Variants in COG5 observed in about 807,000 individuals in gnomAD.
COG5 encodes component of oligomeric golgi complex 5.
In COG5, 86 loss-of-function variants were observed where a neutral mutation model predicts 110.4. The observed-to-expected ratio is 0.78, with a 90% confidence interval of 0.65 to 0.93. The LOEUF (loss-of-function observed/expected upper bound fraction) is 0.93, where lower values mean the gene tolerates loss of function less well. Ranked by LOEUF, COG5 falls within the 40% of genes least tolerant of loss-of-function variation. The pLI, the probability that COG5 is intolerant of heterozygous loss-of-function variation, is 0.00. For synonymous variants in COG5, 360 were observed against 334.6 expected, an observed-to-expected ratio of 1.08 and a Z score of -0.83; for missense variants, 1,077 against 987.0, an observed-to-expected ratio of 1.09 and a Z score of -1.22.
intron 6 of COG5, among the ~76,000 whole-genome samples, chr7:107,521,121 T>C (rs1255414170): frequency 6.6e-6 from 1 of 152,200 alleles, no homozygotes; most frequent in Non-Finnish European, 1.5e-5. Context: ...ACTCCTTCCT[T>C]ATACCTTATT....
In COG5 at chr7:107,541,536, A is replaced by ATATATATG. The variant is rs1802032101; in HGVS notation, c.417+6567_417+6574dup. On this transcript the variant is annotated intron_variant, in intron 5 of 21. Coordinates refer to ENST00000297135, the MANE Select transcript of COG5 (RefSeq NM_006348.5). ...AAAAAAAAAAAAAATATATATATATATATATATGTATTTATGCGTGTGTGT... is the reference window on the plus strand; with the variant it reads ...AAAAAAAAAAAAAATATATATATATATATATATGTATATATGTATTTATGCGTGTGTGT... Among the ~76,000 whole-genome samples, 3 of 136,896 alleles carry ATATATATG rather than the reference A, an allele frequency of 2.2e-5. No individual in the cohort carries two copies. The South Asian group carries it at 6.7e-4, about 31-fold the overall frequency. 89.8% of individuals were successfully genotyped at this position (136,896 alleles called of 152,430 possible). A position where few individuals can be genotyped will look rare whatever the true frequency, so the allele number is the denominator to read the frequency against.
intron 12 of COG5, among the ~76,000 whole-genome samples, chr7:107,292,322 C>G (rs908828049): frequency 2.6e-5 from 4 of 152,262 alleles, no homozygotes; most frequent in African/African-American, 9.6e-5. Flanking sequence ...ATGTCTGACC[C>G]AGGACCTGTT....
chr7:107,233,301 T>C (rs562777854), intron 18 of COG5, among the ~76,000 whole-genome samples: 12 of 152,262 alleles, frequency 7.9e-5, no homozygotes, highest in Admixed American at 7.8e-4. Flanking sequence ...GGCTTAGTGA[T>C]TTCAGAACTG....
chr7:107,536,360 T>C (rs1407634852), intron 5 of COG5, among the ~76,000 whole-genome samples: 2 of 152,210 alleles, frequency 1.3e-5, no homozygotes, highest in Non-Finnish European at 1.5e-5. Flanking sequence ...TGATTGTATA[T>C]ATAGAAAACT....
At chr7:107,349,854 A>G (rs954045692) in intron 10 of COG5, among the ~76,000 whole-genome samples, 4 of 151,944 alleles carry the variant, frequency 2.6e-5, no homozygotes, top group African/African-American at 9.7e-5. Flanking sequence ...CACAGCGCCC[A>G]GTCTTTTTTG....
intron 6 of COG5, among the ~76,000 whole-genome samples, chr7:107,487,517 A>G (rs1159004600): frequency 6.6e-6 from 1 of 152,088 alleles, no homozygotes; most frequent in East Asian, 1.9e-4. Context: ...TAATTTTTAA[A>G]TGCTTATGAC....
At chr7:107,418,083 A>G (rs1057016519) in intron 6 of COG5, among the ~76,000 whole-genome samples, 11 of 152,274 alleles carry the variant, frequency 7.2e-5, no homozygotes, top group Admixed American at 2.0e-4. Flanking sequence ...AATCTTTTAC[A>G]AAAGCAAATA....
At chr7:107,421,062 T>C (rs1308880331) in intron 6 of COG5, among the ~76,000 whole-genome samples, 1 of 152,222 alleles carries the variant, frequency 6.6e-6, no homozygotes, top group Non-Finnish European at 1.5e-5. Flanking sequence ...AAAAAATTGC[T>C]CAGAGCCAAT....
intron 10 of COG5, among the ~76,000 whole-genome samples, chr7:107,355,063 A>C (rs183244138): frequency 6.6e-6 from 1 of 152,368 alleles, no homozygotes; most frequent in Non-Finnish European, 1.5e-5. Context: ...CTGACTATAA[A>C]ATATAACACA....
chr7:107,475,214 G>A (rs370593458), intron 6 of COG5: 39 of 1,611,462 alleles, frequency 2.4e-5, no homozygotes, highest in African/African-American at 1.1e-4. Flanking sequence ...ATGAAAAAGC[G>A]AGTTGTTTCT....
At chr7:107,291,002 T>C (rs1806122721) in intron 12 of COG5, among the ~76,000 whole-genome samples, 1 of 152,220 alleles carries the variant, frequency 6.6e-6, no homozygotes, top group Admixed American at 6.5e-5. Flanking sequence ...TGTCCCTGAC[T>C]TTTGACATTT....
intron 19 of COG5, among the ~76,000 whole-genome samples, chr7:107,223,063 G>C (rs1389322698): frequency 1.3e-5 from 2 of 152,148 alleles, no homozygotes; most frequent in African/African-American, 2.4e-5. Context: ...ACAGATATAG[G>C]CATCATTCTC....
At chr7:107,558,932 AAAACC>A (rs1367543446) in intron 1 of COG5, among the ~76,000 whole-genome samples, 4 of 129,766 alleles carry the variant, frequency 3.1e-5, no homozygotes, top group Admixed American at 2.6e-4. Context: ...AAAAAAAAAA[AAAACC>A]ATAACTACTA....
At chr7:107,436,554 G>T (rs1794379807) in intron 6 of COG5, among the ~76,000 whole-genome samples, 1 of 152,130 alleles carries the variant, frequency 6.6e-6, no homozygotes, top group Non-Finnish European at 1.5e-5. Context: ...CTATGTGAAT[G>T]TACTGAATGC....
chr7:107,235,563 C>T (rs1300845319), intron 18 of COG5, among the ~76,000 whole-genome samples: 1 of 152,100 alleles, frequency 6.6e-6, no homozygotes, highest in Admixed American at 6.6e-5. Context: ...ATTATCCAGG[C>T]GTGGTGGCGC....
chr7:107,377,745 A>G (rs1380934584), intron 7 of COG5, among the ~76,000 whole-genome samples: 1 of 152,210 alleles, frequency 6.6e-6, no homozygotes, highest in Non-Finnish European at 1.5e-5. Context: ...TTTACTCTCT[A>G]GATTCCTCCT....
chr7:107,427,315 A>C (rs1793704583), intron 6 of COG5, among the ~76,000 whole-genome samples: 1 of 152,140 alleles, frequency 6.6e-6, no homozygotes, highest in South Asian at 2.1e-4. Flanking sequence ...CAAAATTGAC[A>C]TGGCCCAAAC....
rs1204520166 is a variant in COG5 at position 107,294,966 on chromosome 7, CAT to C, written c.1313+3174_1313+3175del. ...ACACACACACATATATATATACACA[CAT>C]ATATATATACACATATATACACACA... On this transcript the variant is annotated intron_variant, in intron 12 of 21. Transcript: ENST00000297135. Among the ~76,000 whole-genome samples, 107 of 125,436 alleles carry C rather than the reference CAT, an allele frequency of 8.5e-4. 1 individual carries two copies. In the Middle Eastern group the frequency reaches 0.017, roughly 20 times the overall value. 82.3% of individuals were successfully genotyped at this position (125,436 alleles called of 152,430 possible).
In COG5 at chr7:107,211,143, A is replaced by C. The variant is rs1416897230; in HGVS notation, c.2251T>G (p.Phe751Val). 1 of 1,614,158 alleles carries C rather than the reference A, an allele frequency of 6.2e-7. No individual in the cohort carries two copies. Among genetic ancestry groups the C allele is most frequent in the East Asian group, 2.2e-5 (1 of 44,890 alleles). Residue 751 changes from phenylalanine (F) to valine (V), a missense_variant, in exon 20 of 22, where the codon TTT becomes GTT. Coordinates refer to ENST00000297135, the MANE Select transcript of COG5 (RefSeq NM_006348.5). ...DVIPFSIIIQFLFTRAPAELK... is the reference protein window; with the variant it reads ...DVIPFSIIIQVLFTRAPAELK... ...TCAGCGGGTGCTCTCGTGAACAAAA[A>C]CTGAATAATGATGCTGAACGGAATC...
Sources: gnomAD v4.1 joint callset for allele counts (sites outside exome capture counted in the v4.1 genomes callset) on GRCh38, gnomAD v4.1.1 for gene constraint, MANE v1.5 for transcripts, NCBI Gene and HGNC (gene_info 2026-07-23, HGNC 2026-07-21) for gene names.